Variants in SUCLG2 observed in about 807,000 individuals in gnomAD.
The protein encoded by SUCLG2 is succinate--CoA ligase [GDP-forming] subunit beta, mitochondrial.
In SUCLG2, 42 loss-of-function variants were observed where a neutral mutation model predicts 47.9. The ratio of observed to expected loss-of-function variants is 0.88; its 90% CI spans 0.69 to 1.14. The LOEUF is 1.14. Ranked by LOEUF, SUCLG2 falls within the 50% of genes most tolerant of loss-of-function variation. SUCLG2 has a pLI of 0.00. For synonymous variants in SUCLG2, 195 were observed against 197.3 expected (o/e 0.99, Z 0.10); for missense variants, 571 against 525.9 (o/e 1.09, Z -0.84).
intron 9 of SUCLG2, among the ~76,000 whole-genome samples, chr3:67,452,338 G>C (rs909387674): frequency 2.0e-5 from 3 of 152,100 alleles, no homozygotes; most frequent in African/African-American, 7.2e-5. Context: ...TATTTTCCAT[G>C]TGTGGCCATG....
chr3:67,396,134 A>G (rs1381143090), intron 10 of SUCLG2, among the ~76,000 whole-genome samples: 1 of 152,172 alleles, frequency 6.6e-6, no homozygotes, highest in Non-Finnish European at 1.5e-5. Flanking sequence ...GAGCAAACAC[A>G]TTCAAAAGCT....
chr3:67,402,704 G>A (rs540120201), intron 9 of SUCLG2, among the ~76,000 whole-genome samples: 2 of 152,342 alleles, frequency 1.3e-5, no homozygotes, highest in South Asian at 2.1e-4. Context: ...TAAGGTTTGT[G>A]CAGAGGAACT....
intron 10 of SUCLG2, among the ~76,000 whole-genome samples, chr3:67,382,859 G>A (rs964341630): frequency 6.6e-6 from 1 of 152,112 alleles, no homozygotes; most frequent in Non-Finnish European, 1.5e-5. Flanking sequence ...GTGGAAACAA[G>A]CCAAATTCTC....
intron 6 of SUCLG2, among the ~76,000 whole-genome samples, chr3:67,516,897 A>T (rs1233982056): frequency 1.3e-5 from 2 of 152,214 alleles, no homozygotes; most frequent in African/African-American, 4.8e-5. Context: ...CTGCTACAGG[A>T]GAAGCCCCTT....
chr3:67,633,778 C>A (rs1700964763), intron 1 of SUCLG2, among the ~76,000 whole-genome samples: 1 of 152,182 alleles, frequency 6.6e-6, no homozygotes, highest in South Asian at 2.1e-4. Flanking sequence ...AAAGCCATGT[C>A]AATGTGGGTC....
chr3:67,530,039 T>C (rs1254516607), intron 2 of SUCLG2, among the ~76,000 whole-genome samples: 2 of 152,082 alleles, frequency 1.3e-5, no homozygotes, highest in African/African-American at 4.8e-5. Flanking sequence ...ATAAACCAAA[T>C]AGCACACAAC....
At chr3:67,596,220 C>A (rs1708289032) in intron 2 of SUCLG2, among the ~76,000 whole-genome samples, 1 of 152,168 alleles carries the variant, frequency 6.6e-6, no homozygotes, top group Non-Finnish European at 1.5e-5. Flanking sequence ...TCTACACTTC[C>A]ATCGGAAAAC....
At chr3:67,392,000 A>G (rs565687221) in intron 10 of SUCLG2, among the ~76,000 whole-genome samples, 14 of 152,100 alleles carry the variant, frequency 9.2e-5, no homozygotes, top group African/African-American at 3.4e-4. Context: ...TGGCTCTTGG[A>G]GGAGGGTCTG....
intron 2 of SUCLG2, among the ~76,000 whole-genome samples, chr3:67,583,991 C>T (rs1259791752): frequency 6.6e-6 from 1 of 152,134 alleles, no homozygotes; most frequent in Non-Finnish European, 1.5e-5. Context: ...CCATGTAATA[C>T]CACATATTCA....
intron 2 of SUCLG2, among the ~76,000 whole-genome samples, chr3:67,605,096 A>C (rs4588377): frequency 0.49 from 74,503 of 151,926 alleles, 19,212 homozygotes; most frequent in African/African-American, 0.65. Context: ...TCTTATATAG[A>C]ACTTTCTCAG....
intron 10 of SUCLG2, among the ~76,000 whole-genome samples, chr3:67,394,038 A>C (rs1702462742): frequency 6.6e-6 from 1 of 152,156 alleles, no homozygotes; most frequent in South Asian, 2.1e-4. Flanking sequence ...CCATCATCAA[A>C]GACAAAAAGT....
intron 2 of SUCLG2, among the ~76,000 whole-genome samples, chr3:67,541,399 T>C (rs947384809): frequency 9.2e-5 from 14 of 152,078 alleles, no homozygotes; most frequent in African/African-American, 2.4e-4. Context: ...CAAGTATCAA[T>C]AGCTAGATCG....
chr3:67,498,353 T>C, intron 7 of SUCLG2, 58 bp from the exon 8 acceptor site: 4 of 1,571,000 alleles, frequency 2.5e-6, no homozygotes, highest in Non-Finnish European at 3.5e-6. Flanking sequence ...ATAAATTAAG[T>C]TCTTCAGGCT....
chr3:67,536,756 T>A (rs1400685760), intron 2 of SUCLG2, among the ~76,000 whole-genome samples: 1 of 152,184 alleles, frequency 6.6e-6, no homozygotes, highest in Non-Finnish European at 1.5e-5. Context: ...ACTTATTTCA[T>A]ACAGCTGAAA....
intron 1 of SUCLG2, among the ~76,000 whole-genome samples, chr3:67,610,350 A>G (rs1308847232): frequency 6.6e-6 from 1 of 152,206 alleles, no homozygotes; most frequent in African/African-American, 2.4e-5. Flanking sequence ...CTTAAGTTTC[A>G]AGTAGAAGTG....
intron 9 of SUCLG2, among the ~76,000 whole-genome samples, chr3:67,420,103 A>G (rs1325912536): frequency 1.3e-5 from 2 of 152,240 alleles, no homozygotes. Context: ...TCTGCAAAGC[A>G]TAAAGTACAT....
At chr3:67,532,744 C>T (rs1244332015) in intron 2 of SUCLG2, among the ~76,000 whole-genome samples, 2 of 152,152 alleles carry the variant, frequency 1.3e-5, no homozygotes, top group Non-Finnish European at 2.9e-5. Context: ...AACACAGTAT[C>T]ACTTAAGAGA....
At chr3:67,580,633 T>C (rs1707857734) in intron 2 of SUCLG2, among the ~76,000 whole-genome samples, 1 of 152,186 alleles carries the variant, frequency 6.6e-6, no homozygotes, top group Non-Finnish European at 1.5e-5. Flanking sequence ...GCAGAGATTG[T>C]CCCTTGATTA....
At chr3:67,518,130 T>C (rs768274389) in intron 6 of SUCLG2, 117 bp downstream of exon 6, 15 of 892,832 alleles carry the variant, frequency 1.7e-5, no homozygotes, top group Non-Finnish European at 2.6e-5. Context: ...AGGAAAAAAT[T>C]ATAAAACAAT....
Sources: gnomAD v4.1 joint callset for allele counts (sites outside exome capture counted in the v4.1 genomes callset) on GRCh38, gnomAD v4.1.1 for gene constraint, MANE v1.5 for transcripts, NCBI Gene and HGNC (gene_info 2026-07-23, HGNC 2026-07-21) for gene names.